KIF21B: variants seen among roughly 807,000 people sequenced by gnomAD.
The protein encoded by KIF21B is kinesin-like protein KIF21B.
KIF21B carries 85 observed loss-of-function variants against 192.9 expected under a neutral mutation model. The observed-to-expected ratio is 0.44, with a 90% CI of 0.37 to 0.53. KIF21B has a LOEUF of 0.53. KIF21B is among the 20% of genes least tolerant of loss of function. The pLI is 0.00. For synonymous variants in KIF21B, 832 were observed against 884.6 expected (o/e 0.94, Z 1.05); for missense variants, 1,716 against 2,194.8 (o/e 0.78, Z 4.36).
rs1210460707 is a variant in KIF21B at position 201,000,045 on chromosome 1, A to T, written c.1686-81T>A. On this transcript the variant is annotated intron_variant, in intron 11 of 34. Transcript: ENST00000461742. This position sits in a 1 kb window ranked among gnomAD's most constrained non-coding sequence, Gnocchi z 6.0. ...ATGGGCAGGACGGCGGCAGCGGCAG[A>T]AAAGGAAGGCTCTCACCAGAGGCCG... is the stretch of plus-strand genomic sequence containing the variant. 3.9e-6 allele frequency: 5 copies of T among 1,281,462 alleles called. No individual in the cohort carries two copies. The highest frequency in any genetic ancestry group is 5.6e-6 in the Non-Finnish European group (5 of 886,068). The allele number at this position is 1,281,462 out of a possible 1,614,324, so 79.4% of individuals were successfully genotyped here.
intron 3 of KIF21B, among the ~76,000 whole-genome samples, chr1:201,006,993 C>T (rs1239662639): frequency 9.6e-5 from 14 of 145,602 alleles, no homozygotes; most frequent in African/African-American, 2.6e-4. Flanking sequence ...CAGAGATACA[C>T]AGACACGGAC....
chr1:200,997,564 G>A (rs1657150457), intron 14 of KIF21B, among the ~76,000 whole-genome samples: 1 of 152,324 alleles, frequency 6.6e-6, no homozygotes, highest in South Asian at 2.1e-4. Context: ...CCAATATAGT[G>A]AAACCCTGTC....
In KIF21B at chr1:200,977,198, G is replaced by GC. The variant is rs1655615892; in HGVS notation, c.4325+13_4325+14insG. On this transcript the variant is annotated intron_variant, in intron 31 of 34. Coordinates refer to ENST00000461742, the MANE Select transcript of KIF21B (RefSeq NM_001252102.2). ...AATGCCAAACCCTCCTCCCTCCCCA[G>GC]GTATCACGCTGACCTGCTAAGCTCC... is the stretch of plus-strand genomic sequence containing the variant. 6.2e-7 allele frequency: 1 copy of GC among 1,602,524 alleles called. No individual in the cohort carries two copies.
Position 200,986,987 on chromosome 1 carries a change from C to G in KIF21B, c.3614+9G>C. ...CCACTCCAACCCACATTCCTGCTCC[C>G]ATCCTTACAAAGTGCTGCCCCGGGT... is the stretch of plus-strand genomic sequence containing the variant. On this transcript the variant is annotated intron_variant, in intron 25 of 34. Transcript: ENST00000461742. The G allele has an allele frequency of 6.2e-7, 1 of 1,613,938 alleles. No homozygotes were observed.
intron 1 of KIF21B, among the ~76,000 whole-genome samples, chr1:201,015,118 G>C (rs1658432395): frequency 6.6e-6 from 1 of 152,222 alleles, no homozygotes; most frequent in Non-Finnish European, 1.5e-5. Flanking sequence ...ACAAATGAGA[G>C]CTCAGAGAGA....
intron 8 of KIF21B, 60 bp downstream of exon 8, chr1:201,003,526 G>A: frequency 6.5e-7 from 1 of 1,546,202 alleles, no homozygotes; most frequent in Non-Finnish European, 8.9e-7. Context: ...CAGGGCAGAG[G>A]GTGCATATGG....
intron 1 of KIF21B, among the ~76,000 whole-genome samples, chr1:201,015,681 G>A (rs1342990645): frequency 6.6e-6 from 1 of 152,212 alleles, no homozygotes; most frequent in Admixed American, 6.5e-5. Flanking sequence ...ACAGAGATAA[G>A]CCCGGTGATG....
Position 200,969,639 on chromosome 1 carries a change from C to G in KIF21B, c.*3882G>C, listed in dbSNP as rs1239346216. ...TGGGCAGGGCAGGGCCCTGATTCAT[C>G]TCAGGGGTCTTCTCTGATCCTCGGC... On this transcript the variant is annotated 3_prime_UTR_variant, in exon 35 of 35. Coordinates refer to ENST00000461742, the MANE Select transcript of KIF21B (RefSeq NM_001252102.2). The G allele has an allele frequency of 6.6e-6, 1 of 152,576 alleles. No homozygotes were observed. The highest frequency in any genetic ancestry group is 1.5e-5 in the Non-Finnish European group (1 of 68,088). 9.5% of individuals were successfully genotyped at this position (152,576 alleles called of 1,614,324 possible). A position where few individuals can be genotyped will look rare whatever the true frequency, so the allele number is the denominator to read the frequency against.
chr1:200,992,450 C>A, intron 15 of KIF21B, 61 bp from the exon 16 acceptor site: 1 of 1,544,458 alleles, frequency 6.5e-7, no homozygotes, highest in Non-Finnish European at 8.9e-7. Flanking sequence ...CCCACACTCT[C>A]CAGGGAGGGG....
chr1:201,009,556 A>C, intron 1 of KIF21B, 68 bp from the exon 2 acceptor site: 1 of 1,440,612 alleles, frequency 6.9e-7, no homozygotes, highest in Non-Finnish European at 9.5e-7. Flanking sequence ...CCCCTCCCTC[A>C]CACTGCCTGC....
In KIF21B at chr1:201,000,545, C is replaced by A. The variant is rs1423231171; in HGVS notation, c.1530G>T (p.Ser510=). The part of the protein sequence containing the change: ...ESLRRSLSRA[S]ARSPYSLGAS... ...CACCCAGGGAGTAGGGGCTCCTAGC[C>A]GAGGCCCGTGAGAGGCTGCGGCGCA... is the stretch of plus-strand genomic sequence containing the variant. Residue 510 remains serine (S), a synonymous_variant, in exon 11 of 35, where the codon TCG becomes TCT. Transcript: ENST00000461742. The surrounding 1 kb of genome is among the most constrained non-coding windows in gnomAD (Gnocchi z 6.0). 2 of 1,613,020 alleles carry A rather than the reference C, an allele frequency of 1.2e-6. No homozygotes were observed. The highest frequency in any genetic ancestry group is 2.2e-5 in the South Asian group (2 of 91,082).
At position 200,982,173 on chromosome 1, in the gene KIF21B, C is replaced by A. The variant is rs1655973808; in HGVS notation, c.3842+883G>T. ...CAAATAGCTCCCCAAGCTGCTCCAG[C>A]ACCCTGCTTCTGACAATGGTTTGGC... On this transcript the variant is annotated intron_variant, in intron 28 of 34. Transcript: ENST00000461742. This position sits in a 1 kb window ranked among gnomAD's most constrained non-coding sequence, Gnocchi z 4.7. Among the ~76,000 whole-genome samples, 1 of 152,208 alleles carries A rather than the reference C, an allele frequency of 6.6e-6. No individual in the cohort carries two copies. The highest frequency in any genetic ancestry group is 6.5e-5 in the Admixed American group (1 of 15,284).
chr1:200,999,851 T>TGTGGTGAG lies in KIF21B; in HGVS notation c.1767+24_1767+31dup. ...CCCCAGCAGGGACACAAGGCATGCA[T>TGTGGTGAG]GTGGTGAGGTGGGGCGGCCCGTGCT... On this transcript the variant is annotated intron_variant, in intron 12 of 34. Transcript: ENST00000461742. This position sits in a 1 kb window ranked among gnomAD's most constrained non-coding sequence, Gnocchi z 4.7. 6.2e-7 allele frequency: 1 copy of TGTGGTGAG among 1,608,460 alleles called. No homozygotes were observed.
chr1:200,999,513 G>A lies in KIF21B; in HGVS notation c.1768-47C>T. 10 of 1,596,882 alleles carry A rather than the reference G, an allele frequency of 6.3e-6. No individual in the cohort carries two copies. The highest frequency in any genetic ancestry group is 8.5e-6 in the Non-Finnish European group (10 of 1,170,972). On this transcript the variant is annotated intron_variant, in intron 12 of 34. Coordinates refer to ENST00000461742, the MANE Select transcript of KIF21B (RefSeq NM_001252102.2). This position sits in a 1 kb window ranked among gnomAD's most constrained non-coding sequence, Gnocchi z 4.7. ...GGTGGGCCTGGCCTCAGAGAGGGGA[G>A]CCCAGAAGCAGAGGTGCATCCCGAC... is the stretch of plus-strand genomic sequence containing the variant.
chr1:201,000,039 C>A lies in KIF21B; in HGVS notation c.1686-75G>T. The A allele has an allele frequency of 7.3e-7, 1 of 1,365,132 alleles. No homozygotes were observed. Among genetic ancestry groups the A allele is most frequent in the East Asian group, 2.3e-5 (1 of 43,568 alleles). 84.6% of individuals were successfully genotyped at this position (1,365,132 alleles called of 1,614,324 possible). ...GAGCACATGGGCAGGACGGCGGCAG[C>A]GGCAGAAAAGGAAGGCTCTCACCAG... On this transcript the variant is annotated intron_variant, in intron 11 of 34. Transcript: ENST00000461742. This position sits in a 1 kb window ranked among gnomAD's most constrained non-coding sequence, Gnocchi z 6.0.
At chr1:200,974,167 G>A (rs746518366) in intron 34 of KIF21B, 10 of 1,571,858 alleles carry the variant, frequency 6.4e-6, no homozygotes, top group African/African-American at 4.1e-5. Context: ...GTCCAGGGAC[G>A]TAATTCCACA....
Position 201,003,631 on chromosome 1 carries a change from C to T in KIF21B, c.1167G>A (p.Arg389=). The change falls in exon 8 of 35, where the codon CGG becomes CGA. Residue 389 remains arginine (R), a synonymous_variant. Coordinates refer to ENST00000461742, the MANE Select transcript of KIF21B (RefSeq NM_001252102.2). ...DKTSQQISAL[R]AEIARLQMEL... The stretch of plus-strand genomic sequence containing the variant: ...CCATCTGCAGCCGAGCAATCTCAGC[C>T]CGCAGTGCACTGATTTGCTGGCTGG... 6.2e-7 allele frequency: 1 copy of T among 1,614,184 alleles called. No homozygotes were observed. Among genetic ancestry groups the T allele is most frequent in the Non-Finnish European group, 8.5e-7 (1 of 1,180,042 alleles).
chr1:201,004,676 G>A (rs1248512802), intron 6 of KIF21B, 90 bp downstream of exon 6: 1 of 1,492,164 alleles, frequency 6.7e-7, no homozygotes, highest in South Asian at 1.1e-5. Context: ...TGTCCAAGGA[G>A]GACTCAGCAG....
intron 1 of KIF21B, among the ~76,000 whole-genome samples, chr1:201,010,384 G>A (rs920882692): frequency 4.6e-5 from 7 of 151,986 alleles, no homozygotes; most frequent in African/African-American, 1.7e-4. Flanking sequence ...GAAGAAAAGC[G>A]GCATCAGGAC....
Sources: gnomAD v4.1 joint callset for allele counts (sites outside exome capture counted in the v4.1 genomes callset) on GRCh38, gnomAD v4.1.1 for gene constraint, Gnocchi (gnomAD v3.1) non-coding constraint, MANE v1.5 for transcripts, NCBI Gene and HGNC (gene_info 2026-07-23, HGNC 2026-07-21) for gene names.